The following SLC1A3 variants were observed in gnomAD, a reference collection of about 807,000 sequenced individuals.
SLC1A3 encodes solute carrier family 1 member 3.
SLC1A3 carries 21 observed loss-of-function variants against 48.1 expected under a neutral mutation model. The observed-to-expected ratio is 0.44, with a 90% CI of 0.31 to 0.63. SLC1A3 has a LOEUF of 0.63. Ranked by LOEUF, SLC1A3 falls within the 20% of genes least tolerant of loss-of-function variation. The pLI is 0.08. For missense variants in SLC1A3, 546 were observed against 689.0 expected (o/e 0.79, Z 2.32); for synonymous variants, 239 against 251.4 (o/e 0.95, Z 0.47).
At chr5:36,608,267 G>A (rs1739040770) in intron 1 of SLC1A3, 62 bp from the exon 2 acceptor site, 9 of 654,982 alleles carry the variant, frequency 1.4e-5, no homozygotes, top group South Asian at 1.3e-4. Context: ...GCCTGGTGTG[G>A]AGCAGCACTG....
Position 36,612,604 on chromosome 5 carries a change from A to AAT in SLC1A3, c.181+4001_181+4002insTA, listed in dbSNP as rs1561238460. On this transcript the variant is annotated intron_variant, in intron 2 of 9. Coordinates refer to ENST00000265113, the MANE Select transcript of SLC1A3 (RefSeq NM_004172.5). ...ACCCTGTCTCCAAATAAGAAAAAAA[A>AAT]AATAATAATAATAATAATAATAATG... 1.7e-3 allele frequency: 268 copies of AAT among 153,160 alleles called. 1 individual carries two copies. Among genetic ancestry groups the AAT allele is most frequent in the African/African-American group, 5.4e-3 (215 of 40,174 alleles). 9.5% of individuals were successfully genotyped at this position (153,160 alleles called of 1,614,324 possible).
chr5:36,647,757 A>T (rs1473699469), intron 3 of SLC1A3, among the ~76,000 whole-genome samples: 1 of 152,240 alleles, frequency 6.6e-6, no homozygotes, highest in African/African-American at 2.4e-5. Context: ...CTTAGCAAAC[A>T]TCCAGACTCC....
intron 2 of SLC1A3, among the ~76,000 whole-genome samples, chr5:36,609,600 A>G (rs1301680833): frequency 6.6e-6 from 1 of 152,232 alleles, no homozygotes; most frequent in Non-Finnish European, 1.5e-5. Flanking sequence ...ACTTTTTTCA[A>G]GAAAATTGAA....
Position 36,657,595 on chromosome 5 carries a change from A to G in SLC1A3, c.320-13434A>G, listed in dbSNP as rs2111871947. ...GTTTTCATACGACATAAGCCCAAAA[A>G]GGATGGCTTCCACTGCATATGCCTG... On this transcript the variant is annotated intron_variant, in intron 3 of 9. Transcript: ENST00000265113. 2.6e-5 allele frequency among the ~76,000 whole-genome samples: 4 copies of G among 152,362 alleles called. No homozygotes were observed. In the South Asian group the frequency reaches 8.3e-4, roughly 32 times the overall value.
intron 3 of SLC1A3, among the ~76,000 whole-genome samples, chr5:36,633,955 C>G (rs1740232590): frequency 6.6e-6 from 1 of 152,184 alleles, no homozygotes; most frequent in South Asian, 2.1e-4. Flanking sequence ...CTCTGGGAGC[C>G]TGAGACCCGA....
At chr5:36,640,022 G>A (rs552355978) in intron 3 of SLC1A3, among the ~76,000 whole-genome samples, 11 of 152,302 alleles carry the variant, frequency 7.2e-5, no homozygotes, top group Non-Finnish European at 1.2e-4. Context: ...CAGAGAGAGA[G>A]AGGAAGAGGT....
intron 1 of SLC1A3, among the ~76,000 whole-genome samples, chr5:36,599,201 A>C (rs373375259): frequency 3.9e-5 from 6 of 152,206 alleles, no homozygotes; most frequent in Non-Finnish European, 8.8e-5. Context: ...AATGAATACT[A>C]TCATTCCCGG....
exon 1 of SLC1A3, among the ~76,000 whole-genome samples, chr5:36,596,629 T>C (rs537067688): frequency 6.6e-6 from 1 of 152,226 alleles, no homozygotes; most frequent in African/African-American, 2.4e-5. Flanking sequence ...CAAGTCCAAG[T>C]AGCTCTCTAG....
chr5:36,686,664 T>G lies in SLC1A3; in HGVS notation c.*395T>G, dbSNP rs1742661075. 1 of 273,882 alleles carries G rather than the reference T, an allele frequency of 3.7e-6. No individual in the cohort carries two copies. The highest frequency in any genetic ancestry group is 3.7e-5 in the South Asian group (1 of 27,318). 17.0% of individuals were successfully genotyped at this position (273,882 alleles called of 1,614,324 possible). A position where few individuals can be genotyped will look rare whatever the true frequency, so the allele number is the denominator to read the frequency against. Reference sequence around the variant, plus strand: ...ATTTAAAAATCTTTCAGAATACAATTCAGTTTTAGTTTCAAAATGTTAACA... The same window carrying G: ...ATTTAAAAATCTTTCAGAATACAATGCAGTTTTAGTTTCAAAATGTTAACA... On this transcript the variant is annotated 3_prime_UTR_variant, in exon 10 of 10. Coordinates refer to ENST00000265113, the MANE Select transcript of SLC1A3 (RefSeq NM_004172.5).
At chr5:36,611,637 C>T (rs536120601) in intron 2 of SLC1A3, among the ~76,000 whole-genome samples, 1 of 152,140 alleles carries the variant, frequency 6.6e-6, no homozygotes, top group African/African-American at 2.4e-5. Flanking sequence ...CAGTGCCAAG[C>T]TCCACATCCC....
upstream of SLC1A3, among the ~76,000 whole-genome samples, chr5:36,603,563 A>G (rs1452219219): frequency 6.6e-6 from 1 of 152,236 alleles, no homozygotes; most frequent in Non-Finnish European, 1.5e-5. Context: ...AAACCTAGTT[A>G]TTTAAAAATT....
chr5:36,609,853 T>C (rs1490796999), intron 2 of SLC1A3, among the ~76,000 whole-genome samples: 1 of 152,204 alleles, frequency 6.6e-6, no homozygotes, highest in Non-Finnish European at 1.5e-5. Flanking sequence ...ATCATTGTCC[T>C]GGAAGTCAAT....
intron 2 of SLC1A3, 154 bp downstream of exon 2, chr5:36,608,758 C>T (rs1739071677): frequency 1.4e-6 from 2 of 1,455,176 alleles, no homozygotes; most frequent in East Asian, 2.4e-5. Context: ...ATAAAAATGA[C>T]TGTTTTGGCT....
chr5:36,619,517 G>C (rs1739581107), intron 2 of SLC1A3, among the ~76,000 whole-genome samples: 1 of 152,124 alleles, frequency 6.6e-6, no homozygotes, highest in South Asian at 2.1e-4. Context: ...GTGCGCACCT[G>C]TAGTCCTTGC....
intron 3 of SLC1A3, among the ~76,000 whole-genome samples, chr5:36,650,885 C>T (rs1488756461): frequency 6.6e-6 from 1 of 152,098 alleles, no homozygotes; most frequent in African/African-American, 2.4e-5. Flanking sequence ...GAAAAAGCTA[C>T]AGGATAAGTC....
At chr5:36,644,128 C>T (rs1160644060) in intron 3 of SLC1A3, among the ~76,000 whole-genome samples, 3 of 151,772 alleles carry the variant, frequency 2.0e-5, no homozygotes, top group African/African-American at 2.4e-5. Context: ...TGAAGTAAAA[C>T]GTCTCCCCCC....
At chr5:36,622,342 G>T (rs147734890) in intron 2 of SLC1A3, among the ~76,000 whole-genome samples, 27 of 152,256 alleles carry the variant, frequency 1.8e-4, no homozygotes, top group African/African-American at 6.3e-4. Flanking sequence ...AAGATTTGGC[G>T]TAGTAATAAC....
At chr5:36,622,858 A>AC (rs1739735122) in intron 2 of SLC1A3, among the ~76,000 whole-genome samples, 1 of 150,644 alleles carries the variant, frequency 6.6e-6, no homozygotes, top group South Asian at 2.1e-4. Context: ...AAAAAATACA[A>AC]AAAATTAGCC....
chr5:36,629,984 A>G, intron 3 of SLC1A3: 1 of 273,034 alleles, frequency 3.7e-6, no homozygotes, highest in South Asian at 3.9e-5. Context: ...TGATGCAAGA[A>G]TGCTTGTTCT....
Sources: allele counts gnomAD v4.1 joint callset (sites outside exome capture counted in the v4.1 genomes callset), GRCh38; gene constraint gnomAD v4.1.1; transcripts MANE v1.5; gene names NCBI Gene and HGNC (gene_info 2026-07-23, HGNC 2026-07-21).